The following LINGO2 variants were observed in gnomAD, a reference collection of about 807,000 sequenced individuals.
The protein encoded by LINGO2 is leucine rich repeat and Ig domain containing 2.
LINGO2 carries 14 observed loss-of-function variants against 30.6 expected under a neutral mutation model. That is an observed-to-expected ratio of 0.46 (90% CI 0.30 to 0.72). LINGO2 has a LOEUF of 0.72. Ranked by LOEUF, LINGO2 falls within the 30% of genes least tolerant of loss-of-function variation. The pLI, the probability that LINGO2 is intolerant of heterozygous loss-of-function variation, is 0.07. For synonymous variants in LINGO2, 317 were observed against 288.5 expected, an observed-to-expected ratio of 1.10 and a Z score of -1.00; for missense variants, 729 against 751.7, an observed-to-expected ratio of 0.97 and a Z score of 0.35.
At chr9:28,189,297 A>G (rs13285296) in intron 4 of LINGO2, among the ~76,000 whole-genome samples, 2,033 of 23,260 alleles carry the variant, frequency 0.087, 34 homozygotes, top group East Asian at 0.16. Flanking sequence ...GGGAGGAAGG[A>G]AGGAAGGGAG....
At chr9:28,921,631 G>A in the LINGO2 span, among the ~76,000 whole-genome samples, 48 of 152,230 alleles carry the variant, frequency 3.2e-4, no homozygotes, top group African/African-American at 1.1e-3. Context: ...AGCGGAGCAA[G>A]GAGGAAGAGA....
At chr9:28,794,034 G>A in the LINGO2 span, among the ~76,000 whole-genome samples, 2 of 152,148 alleles carry the variant, frequency 1.3e-5, no homozygotes, top group Non-Finnish European at 1.5e-5. Flanking sequence ...GACTGAGGGC[G>A]GTGGCTCACG....
the LINGO2 span, among the ~76,000 whole-genome samples, chr9:29,142,148 T>C: frequency 6.6e-6 from 1 of 151,848 alleles, no homozygotes; most frequent in Admixed American, 6.6e-5. Flanking sequence ...ATAAATGACA[T>C]GTTAGGCCAC....
At chr9:28,917,062 T>C in the LINGO2 span, among the ~76,000 whole-genome samples, 1 of 152,226 alleles carries the variant, frequency 6.6e-6, no homozygotes, top group African/African-American at 2.4e-5. Context: ...CTTCCCTTTC[T>C]ACCTTTTGTG....
the LINGO2 span, among the ~76,000 whole-genome samples, chr9:29,181,984 C>T: frequency 6.6e-6 from 1 of 152,190 alleles, no homozygotes; most frequent in Admixed American, 6.5e-5. Context: ...CTGTGAATAA[C>T]ACCCCCTGGA....
chr9:28,785,166 C>T, the LINGO2 span, among the ~76,000 whole-genome samples: 4 of 152,158 alleles, frequency 2.6e-5, no homozygotes, highest in African/African-American at 9.6e-5. Context: ...AGCAGAGAAC[C>T]AGAGGAAAGT....
chr9:28,079,335 C>T (rs1046359672), intron 4 of LINGO2, among the ~76,000 whole-genome samples: 1 of 152,092 alleles, frequency 6.6e-6, no homozygotes, highest in African/African-American at 2.4e-5. Flanking sequence ...AAGCAACCAG[C>T]CACACCCAAA....
At chr9:28,623,669 G>T (rs112256857) in intron 1 of LINGO2, among the ~76,000 whole-genome samples, 1 of 151,796 alleles carries the variant, frequency 6.6e-6, no homozygotes, top group Non-Finnish European at 1.5e-5. Context: ...GATAGCTTTG[G>T]CTATTCTGGG....
intron 2 of LINGO2, among the ~76,000 whole-genome samples, chr9:28,442,904 T>G (rs1824256504): frequency 6.6e-6 from 1 of 152,208 alleles, no homozygotes; most frequent in African/African-American, 2.4e-5. Flanking sequence ...AAATCCTTGG[T>G]TTGGTGTAAC....
At chr9:29,189,889 G>C in the LINGO2 span, among the ~76,000 whole-genome samples, 1 of 151,492 alleles carries the variant, frequency 6.6e-6, no homozygotes, top group African/African-American at 2.4e-5. Context: ...GCGCGCGCCT[G>C]CAATCGCAGG....
chr9:28,691,343 T>G, the LINGO2 span, among the ~76,000 whole-genome samples: 3 of 152,178 alleles, frequency 2.0e-5, no homozygotes, highest in African/African-American at 7.2e-5. Context: ...TCGCTCACCC[T>G]TGGGTAAAGT....
chr9:28,589,662 A>T (rs1824766249), intron 1 of LINGO2, among the ~76,000 whole-genome samples: 1 of 152,112 alleles, frequency 6.6e-6, no homozygotes, highest in Non-Finnish European at 1.5e-5. Flanking sequence ...GGATACAAAC[A>T]AATGGAAGAA....
intron 2 of LINGO2, among the ~76,000 whole-genome samples, chr9:28,392,096 G>A (rs527714285): frequency 6.6e-6 from 1 of 152,122 alleles, no homozygotes; most frequent in Non-Finnish European, 1.5e-5. Context: ...CCGGTTACTC[G>A]GGAGGCTGAG....
Position 28,240,441 on chromosome 9 carries a change from G to A in LINGO2, c.-87+54767C>T, listed in dbSNP as rs112033983. On this transcript the variant is annotated intron_variant, in intron 4 of 5. Transcript: ENST00000379992. ...GCAAAAAAACAAACAAAAATATCCC[G>A]GACACATAGACCAATGGAACAGAGT... is the stretch of plus-strand genomic sequence containing the variant. Among the ~76,000 whole-genome samples, 146 of 151,764 alleles carry A rather than the reference G, an allele frequency of 9.6e-4. 1 individual carries two copies. The highest frequency in any genetic ancestry group is 3.9e-3 in the East Asian group (20 of 5,158).
chr9:28,513,495 A>C (rs1426223372), intron 1 of LINGO2, among the ~76,000 whole-genome samples: 1 of 152,216 alleles, frequency 6.6e-6, no homozygotes, highest in Non-Finnish European at 1.5e-5. Context: ...TAAGTGCATG[A>C]AAAAGATACA....
chr9:28,177,223 G>T (rs1028427748), intron 4 of LINGO2, among the ~76,000 whole-genome samples: 2 of 152,108 alleles, frequency 1.3e-5, no homozygotes, highest in African/African-American at 4.8e-5. Flanking sequence ...GTAAAGGATG[G>T]TTTTTTTGAG....
chr9:28,376,396 G>A (rs1317573354), intron 2 of LINGO2, among the ~76,000 whole-genome samples: 1 of 152,144 alleles, frequency 6.6e-6, no homozygotes, highest in African/African-American at 2.4e-5. Context: ...TCGGATTCTG[G>A]AGGAGCTGTT....
chr9:29,173,043 G>T, the LINGO2 span, among the ~76,000 whole-genome samples: 3 of 151,814 alleles, frequency 2.0e-5, no homozygotes, highest in South Asian at 6.2e-4. Flanking sequence ...CACAATTTGG[G>T]GTCTGAAGAT....
At chr9:28,905,273 A>C in the LINGO2 span, among the ~76,000 whole-genome samples, 10 of 51,988 alleles carry the variant, frequency 1.9e-4, no homozygotes, top group Non-Finnish European at 4.2e-4. Context: ...CACAGACAAC[A>C]AAAGCAAAAA....
Sources: gnomAD v4.1 joint callset for allele counts (sites outside exome capture counted in the v4.1 genomes callset) on GRCh38, gnomAD v4.1.1 for gene constraint, MANE v1.5 for transcripts, NCBI Gene and HGNC (gene_info 2026-07-23, HGNC 2026-07-21) for gene names.